The following DOCK1 variants were observed in gnomAD, a reference collection of about 807,000 sequenced individuals.
DOCK1 encodes the protein dedicator of cytokinesis 1, also known as dedicator of cytokinesis protein 1.
Under a neutral mutation model 262.7 loss-of-function variants are expected in DOCK1, and 138 were observed. The observed-to-expected ratio is 0.53, with a 90% CI of 0.46 to 0.61. The LOEUF (loss-of-function observed/expected upper bound fraction) is 0.61. Ranked by LOEUF, DOCK1 falls within the 20% of genes least tolerant of loss-of-function variation. The pLI, the probability that DOCK1 is intolerant of heterozygous loss-of-function variation, is 0.00. For synonymous variants in DOCK1, 866 were observed against 867.4 expected (o/e 1.00, Z 0.03); for missense variants, 1,908 against 2,370.7 (o/e 0.80, Z 4.05).
rs1565024376 is a variant in DOCK1, at chr10:126,978,004, T to G, written c.171+16T>G. On this transcript the variant is annotated intron_variant, in intron 3 of 51. Transcript: ENST00000623213. The stretch of plus-strand genomic sequence containing the variant: ...GTCTAAGAAGGTAAGTCCTTCTTCT[T>G]AAACACAGTGCATGTCTCTTCATAA... 4.3e-6 allele frequency: 7 copies of G among 1,611,724 alleles called. No individual in the cohort carries two copies. In the East Asian group the frequency reaches 1.6e-4, roughly 36 times the overall value.
intron 21 of DOCK1, among the ~76,000 whole-genome samples, chr10:127,048,598 A>G (rs1295760708): frequency 6.6e-6 from 1 of 152,218 alleles, no homozygotes; most frequent in Admixed American, 6.5e-5. Context: ...AGGTCTTAAC[A>G]ATGCCTGCAC....
intron 15 of DOCK1, chr10:127,026,106 A>T: frequency 2.0e-6 from 1 of 488,732 alleles, no homozygotes. Flanking sequence ...TAATGGTCAG[A>T]GCATTCAGAA....
intron 27 of DOCK1, among the ~76,000 whole-genome samples, chr10:127,229,917 C>A (rs967590126): frequency 1.3e-5 from 2 of 152,120 alleles, no homozygotes; most frequent in Non-Finnish European, 2.9e-5. Flanking sequence ...TTGATAGTAG[C>A]CATTCTAACA....
chr10:127,119,207 C>T (rs1374477196), intron 25 of DOCK1, among the ~76,000 whole-genome samples: 4 of 152,164 alleles, frequency 2.6e-5, no homozygotes, highest in Admixed American at 2.0e-4. Context: ...CCGTGGCCGA[C>T]TAATTTTGTT....
rs79467223 is a variant in DOCK1 at position 127,281,349 on chromosome 10, G to A, written c.3044+23920G>A. ...TGTGGCTTGTTGAGAAAATGATACA[G>A]AGTTTAGGAAGCAGAAGGACACAGC... On this transcript the variant is annotated intron_variant, in intron 29 of 51. Transcript: ENST00000623213. 3.2e-3 allele frequency among the ~76,000 whole-genome samples: 487 copies of A among 152,270 alleles called. 1 individual carries two copies. The highest frequency in any genetic ancestry group is 0.01 in the Middle Eastern group (3 of 294).
chr10:127,176,499 C>T lies in DOCK1; in HGVS notation c.2847+48735C>T, dbSNP rs534643800. 72 of 986,262 alleles carry T rather than the reference C, an allele frequency of 7.3e-5. No individual in the cohort carries two copies. The East Asian group carries it at 1.7e-3, about 24-fold the overall frequency. 61.1% of individuals were successfully genotyped at this position (986,262 alleles called of 1,614,324 possible). A position where few individuals can be genotyped will look rare whatever the true frequency, so the allele number is the denominator to read the frequency against. On this transcript the variant is annotated intron_variant, in intron 27 of 51. Transcript: ENST00000623213. The surrounding 1 kb of genome is among the most constrained non-coding windows in gnomAD (Gnocchi z 4.4). ...TAGCCACCACGACGACTGCCTGTTT[C>T]CTAATTATATTTAAGCAGGTGAGGT...
In DOCK1 at chr10:127,176,366, T is replaced by C. The variant is rs1227540826; in HGVS notation, c.2847+48602T>C. 16 of 1,612,132 alleles carry C rather than the reference T, an allele frequency of 9.9e-6. No individual in the cohort carries two copies. Among genetic ancestry groups the C allele is most frequent in the Non-Finnish European group, 1.3e-5 (15 of 1,179,424 alleles). ...CCACTTCACTCTCCGACGTTGTGAG[T>C]ATGCATTTGCCGGTGTCCTTACTGA... is the stretch of plus-strand genomic sequence containing the variant. On this transcript the variant is annotated intron_variant, in intron 27 of 51. Transcript: ENST00000623213. The surrounding 1 kb of genome is among the most constrained non-coding windows in gnomAD (Gnocchi z 4.4).
At chr10:127,121,653 TA>T (rs1398586329) in intron 25 of DOCK1, among the ~76,000 whole-genome samples, 3 of 152,160 alleles carry the variant, frequency 2.0e-5, no homozygotes, top group African/African-American at 4.8e-5. Flanking sequence ...AGAAGTCCCT[TA>T]AAAAATGAGG....
At chr10:126,998,698 G>T (rs1394612902) in intron 8 of DOCK1, 2 of 161,062 alleles carry the variant, frequency 1.2e-5, no homozygotes, top group African/African-American at 4.8e-5. Flanking sequence ...CATTTAGAAT[G>T]GTGCCTGCCA....
intron 27 of DOCK1, among the ~76,000 whole-genome samples, chr10:127,206,269 G>T (rs188441882): frequency 6.9e-6 from 1 of 145,084 alleles, no homozygotes; most frequent in Non-Finnish European, 1.5e-5. Flanking sequence ...TCAGCCTCCC[G>T]AGTAGCTGGA....
chr10:127,172,499 A>G (rs1292008299), intron 27 of DOCK1, among the ~76,000 whole-genome samples: 1 of 152,130 alleles, frequency 6.6e-6, no homozygotes, highest in African/African-American at 2.4e-5. Flanking sequence ...GTCCTCTCCT[A>G]TGTTCTGACA....
At chr10:126,980,928 A>G (rs1241541793) in intron 3 of DOCK1, among the ~76,000 whole-genome samples, 1 of 150,572 alleles carries the variant, frequency 6.6e-6, no homozygotes, top group African/African-American at 2.4e-5. Context: ...TTGCTTGCTC[A>G]GAAAGCAGGA....
At chr10:127,180,805 A>G (rs561269098) in intron 27 of DOCK1, among the ~76,000 whole-genome samples, 264 of 152,370 alleles carry the variant, frequency 1.7e-3, no homozygotes, top group Non-Finnish European at 2.8e-3. Context: ...TATCATAGAA[A>G]AACACGAAAT....
chr10:127,321,723 G>A (rs2766043), intron 29 of DOCK1, among the ~76,000 whole-genome samples: 4 of 99,010 alleles, frequency 4.0e-5, no homozygotes, highest in South Asian at 3.0e-4. Context: ...CCCTCCCCCC[G>A]CCGCCCCTGC....
intron 1 of DOCK1, among the ~76,000 whole-genome samples, chr10:126,961,116 C>T (rs2037183095): frequency 1.3e-5 from 2 of 152,200 alleles, no homozygotes; most frequent in East Asian, 3.9e-4. Flanking sequence ...TCTCACCAGG[C>T]CCAGCTAGCT....
chr10:127,056,474 G>C (rs1423146931), intron 22 of DOCK1, among the ~76,000 whole-genome samples: 1 of 152,140 alleles, frequency 6.6e-6, no homozygotes, highest in Non-Finnish European at 1.5e-5. Flanking sequence ...AGGATTCCAG[G>C]CATGAGCCCC....
chr10:127,323,759 G>C (rs2062637550), intron 29 of DOCK1, among the ~76,000 whole-genome samples: 1 of 152,190 alleles, frequency 6.6e-6, no homozygotes. Context: ...AATTGAGAGG[G>C]CATTTCTGAG....
chr10:127,195,527 C>CA (rs1163016557), intron 27 of DOCK1, among the ~76,000 whole-genome samples: 1 of 151,992 alleles, frequency 6.6e-6, no homozygotes, highest in Non-Finnish European at 1.5e-5. Flanking sequence ...AACTCATCCC[C>CA]CCCCCGAAGT....
At chr10:126,908,605 A>T (rs1266383573) in intron 1 of DOCK1, among the ~76,000 whole-genome samples, 1 of 152,250 alleles carries the variant, frequency 6.6e-6, no homozygotes, top group African/African-American at 2.4e-5. Flanking sequence ...GGAAAGGAGT[A>T]AACAGCTGAT....
Sources: gnomAD v4.1 joint callset for allele counts (sites outside exome capture counted in the v4.1 genomes callset) on GRCh38, gnomAD v4.1.1 for gene constraint, Gnocchi (gnomAD v3.1) non-coding constraint, MANE v1.5 for transcripts, NCBI Gene and HGNC (gene_info 2026-07-23, HGNC 2026-07-21) for gene names.